The following EPHA2 variants were observed in gnomAD, a reference collection of about 807,000 sequenced individuals.
EPHA2 encodes the protein ephrin type-A receptor 2.
EPHA2 carries 54 observed loss-of-function variants against 104.9 expected under a neutral mutation model. That is an observed-to-expected ratio of 0.51 (90% CI 0.41 to 0.65). The LOEUF (loss-of-function observed/expected upper bound fraction) is 0.65, where lower values mean the gene tolerates loss of function less well. Among genes scored for constraint, EPHA2 ranks in the 30% least tolerant of loss-of-function variants. EPHA2 has a pLI of 0.00. For missense variants in EPHA2, 1,117 were observed against 1,369.5 expected, an observed-to-expected ratio of 0.82 and a Z score of 2.91; for synonymous variants, 560 against 559.1, an observed-to-expected ratio of 1.00 and a Z score of -0.02.
At chr1:16,144,831 T>C (rs1301807670) in intron 3 of EPHA2, among the ~76,000 whole-genome samples, 1 of 152,236 alleles carries the variant, frequency 6.6e-6, no homozygotes, top group Non-Finnish European at 1.5e-5. Flanking sequence ...CACTGCTTCC[T>C]CTCCGGACCT....
In EPHA2 at chr1:16,155,881, G is replaced by T; in HGVS notation, c.52C>A (p.Leu18Met). ...CCCTGCGCCGCCGCGGCCGCGGCCA[G>T]CGCACAGCCCCACAGCAGGGCGAAG... Reference protein sequence around the residue: ...ACFALLWGCALAAAAAAQGKE... With the variant: ...ACFALLWGCAMAAAAAAQGKE... The change falls in exon 1 of 17, where the codon CTG becomes ATG. Residue 18 changes from leucine to methionine, a missense_variant. By Grantham distance (15) the Leu-to-Met change is conservative. Around this residue, in one of 3 missense-constraint regions of EPHA2, gnomAD observed 664 missense variants for 784.8 expected, o/e 0.85. Coordinates refer to ENST00000358432, the MANE Select transcript of EPHA2 (RefSeq NM_004431.5). 2 of 1,472,752 alleles carry T rather than the reference G, an allele frequency of 1.4e-6. No homozygotes were observed. The highest frequency in any genetic ancestry group is 1.8e-6 in the Non-Finnish European group (2 of 1,118,936). 91.2% of individuals were successfully genotyped at this position (1,472,752 alleles called of 1,614,324 possible).
In EPHA2 at chr1:16,142,504, T is replaced by C. The variant is rs1030879544; in HGVS notation, c.824-4074A>G. ...ATGGACAGACAGATGGATGGATGGA[T>C]AGATGGGTGAGTTGGTGGGTGGATG... On this transcript the variant is annotated intron_variant, in intron 3 of 16. Coordinates refer to ENST00000358432, the MANE Select transcript of EPHA2 (RefSeq NM_004431.5). Among the ~76,000 whole-genome samples, 3 of 152,076 alleles carry C rather than the reference T, an allele frequency of 2.0e-5. No individual in the cohort carries two copies. The East Asian group carries it at 5.8e-4, about 29-fold the overall frequency.
In EPHA2 at chr1:16,153,435, C is replaced by T. The variant is rs74899738; in HGVS notation, c.85+2413G>A. 5.5e-4 allele frequency: 285 copies of T among 520,254 alleles called. 1 individual carries two copies. In the East Asian group the frequency reaches 0.03, roughly 54 times the overall value. 32.2% of individuals were successfully genotyped at this position (520,254 alleles called of 1,614,324 possible). On this transcript the variant is annotated intron_variant, in intron 1 of 16. Coordinates refer to ENST00000358432, the MANE Select transcript of EPHA2 (RefSeq NM_004431.5). Reference sequence around the variant, plus strand: ...CCCCGGTAGAACCAGAAACCAAGGACTTCCTGGCACTCTCCAGCCCTCTTC... The same window carrying T: ...CCCCGGTAGAACCAGAAACCAAGGATTTCCTGGCACTCTCCAGCCCTCTTC...
Position 16,153,250 on chromosome 1 carries a change from G to A in EPHA2, c.86-2287C>T, listed in dbSNP as rs950482840. Reference sequence around the variant, plus strand: ...AAATGCAGGACTGCCACCCACTCCCGGTCTCCGGTCCTTCTCCGCAGCCTC... The same window carrying A: ...AAATGCAGGACTGCCACCCACTCCCAGTCTCCGGTCCTTCTCCGCAGCCTC... On this transcript the variant is annotated intron_variant, in intron 1 of 16. Transcript: ENST00000358432. 2.1e-5 allele frequency: 21 copies of A among 985,242 alleles called. No homozygotes were observed. In the South Asian group the frequency reaches 5.2e-4, roughly 24 times the overall value. The allele number at this position is 985,242 out of a possible 1,614,324, so 61.0% of individuals were successfully genotyped here.
rs869033211 is a variant in EPHA2 at position 16,136,773 on chromosome 1, G to GAAGAAGAAC, written c.1313-1004_1313-1003insGTTCTTCTT. On this transcript the variant is annotated intron_variant, in intron 5 of 16. Transcript: ENST00000358432. ...AGAAGAAGAAGAAGAAGAAGAAGAA[G>GAAGAAGAAC]AACTAACTTTTGCTGAATGCTTTCT... 2.5e-3 allele frequency among the ~76,000 whole-genome samples: 363 copies of GAAGAAGAAC among 146,574 alleles called. 2 individuals are homozygous for GAAGAAGAAC. The highest frequency in any genetic ancestry group is 4.1e-3 in the Non-Finnish European group (271 of 66,086).
Position 16,133,444 on chromosome 1 carries a change from G to A in EPHA2, c.1864+37C>T, listed in dbSNP as rs200461925. The A allele has an allele frequency of 6.2e-7, 1 of 1,614,068 alleles. No homozygotes were observed. The highest frequency in any genetic ancestry group is 2.2e-5 in the East Asian group (1 of 44,894). Reference sequence around the variant, plus strand: ...GCTCCCACACTGTGTCACCACCGCTGCCTCCTCAGGGCCCCTTGGCAGGGG... The same window carrying A: ...GCTCCCACACTGTGTCACCACCGCTACCTCCTCAGGGCCCCTTGGCAGGGG... On this transcript the variant is annotated intron_variant, in intron 10 of 16. Transcript: ENST00000358432.
chr1:16,134,976 T>A lies in EPHA2; in HGVS notation c.1582+60A>T, dbSNP rs2024652882. The A allele has an allele frequency of 3.1e-6, 5 of 1,597,308 alleles. No homozygotes were observed. Among genetic ancestry groups the A allele is most frequent in the Middle Eastern group, 1.7e-4 (1 of 6,034 alleles). The stretch of plus-strand genomic sequence containing the variant: ...ATTTGATTCACTTCCTTTCCCAAGA[T>A]GTCTCAATTGCTTGGTTCTGGGCCC... On this transcript the variant is annotated intron_variant, in intron 7 of 16. Transcript: ENST00000358432. The surrounding 1 kb of genome is among the most constrained non-coding windows in gnomAD (Gnocchi z 4.5).
chr1:16,147,774 A>T (rs576623064), intron 3 of EPHA2, among the ~76,000 whole-genome samples: 1 of 151,886 alleles, frequency 6.6e-6, no homozygotes, highest in South Asian at 2.1e-4. Flanking sequence ...GCCTAAAGCC[A>T]CACAGCTAAA....
chr1:16,138,743 A>T (rs553942612), intron 3 of EPHA2, among the ~76,000 whole-genome samples: 1 of 152,298 alleles, frequency 6.6e-6, no homozygotes, highest in East Asian at 1.9e-4. Context: ...TCAGCCAACC[A>T]AGAATCCCAT....
chr1:16,133,526 C>G lies in EPHA2; in HGVS notation c.1819G>C (p.Glu607Gln), dbSNP rs1352075967. 2 of 1,613,976 alleles carry G rather than the reference C, an allele frequency of 1.2e-6. No homozygotes were observed. The highest frequency in any genetic ancestry group is 3.3e-5 in the Admixed American group (2 of 59,996). Reference protein sequence around the residue: ...PNQAVLKFTTEIHPSCVTRQK... With the variant: ...PNQAVLKFTTQIHPSCVTRQK... The stretch of plus-strand genomic sequence containing the variant: ...CGAGTGACACAGGATGGATGGATCT[C>G]GGTAGTGAACTTCAACACAGCCTGG... Residue 607 changes from glutamate (E) to glutamine (Q), a missense_variant, in exon 10 of 17, where the codon GAG becomes CAG. Transcript: ENST00000358432.
At position 16,125,111 on chromosome 1, in the gene EPHA2, C is replaced by G; in HGVS notation, c.*104G>C. 1 of 1,091,784 alleles carries G rather than the reference C, an allele frequency of 9.2e-7. No individual in the cohort carries two copies. Among genetic ancestry groups the G allele is most frequent in the Non-Finnish European group, 1.4e-6 (1 of 727,828 alleles). The allele number at this position is 1,091,784 out of a possible 1,614,324, so 67.6% of individuals were successfully genotyped here. On this transcript the variant is annotated 3_prime_UTR_variant, in exon 17 of 17. Transcript: ENST00000358432. This position sits in a 1 kb window ranked among gnomAD's most constrained non-coding sequence, Gnocchi z 4.9. ...CGGAAGTTGCAGGGGGAGGAAAGAACTAGAAATAAATAAAGTCCCCAGTGG... is the reference window on the plus strand; with the variant it reads ...CGGAAGTTGCAGGGGGAGGAAAGAAGTAGAAATAAATAAAGTCCCCAGTGG...
chr1:16,140,521 G>T (rs1432366582), intron 3 of EPHA2, among the ~76,000 whole-genome samples: 1 of 152,204 alleles, frequency 6.6e-6, no homozygotes, highest in Non-Finnish European at 1.5e-5. Flanking sequence ...AGACAAAAAA[G>T]CTTGTCCAAG....
At chr1:16,138,570 C>A in intron 3 of EPHA2, 140 bp from the exon 4 acceptor site, 1 of 1,293,336 alleles carries the variant, frequency 7.7e-7, no homozygotes, top group Non-Finnish European at 1.1e-6. Context: ...TTCTCATCGG[C>A]AAAATGTCTT....
In EPHA2 at chr1:16,128,146, G is replaced by T. The variant is rs1476884084; in HGVS notation, c.2825+1288C>A. On this transcript the variant is annotated intron_variant, in intron 16 of 16. Transcript: ENST00000358432. The surrounding 1 kb of genome is among the most constrained non-coding windows in gnomAD (Gnocchi z 4.7). Reference sequence around the variant, plus strand: ...ATTTAGCACCCACTGTATACCAGTCGTGTCATCTGCGCTGCACCCATGCAA... The same window carrying T: ...ATTTAGCACCCACTGTATACCAGTCTTGTCATCTGCGCTGCACCCATGCAA... 6.6e-6 allele frequency among the ~76,000 whole-genome samples: 1 copy of T among 152,194 alleles called. No homozygotes were observed. The highest frequency in any genetic ancestry group is 2.4e-5 in the African/African-American group (1 of 41,444).
chr1:16,127,618 G>A (rs957924039), intron 16 of EPHA2, among the ~76,000 whole-genome samples: 7 of 152,186 alleles, frequency 4.6e-5, no homozygotes, highest in African/African-American at 7.2e-5. Flanking sequence ...GACCCATGGC[G>A]TGTGTAGACC....
In EPHA2 at chr1:16,130,997, C is replaced by T. The variant is rs558546494; in HGVS notation, c.2476-578G>A. ...CACTGTGTACCCTCAGCCCAGCCTC[C>T]CTCCCATCTCTCTTCCCCTCCCTCT... On this transcript the variant is annotated intron_variant, in intron 14 of 16. Coordinates refer to ENST00000358432, the MANE Select transcript of EPHA2 (RefSeq NM_004431.5). The surrounding 1 kb of genome is among the most constrained non-coding windows in gnomAD (Gnocchi z 4.5). Among the ~76,000 whole-genome samples, 14 of 152,210 alleles carry T rather than the reference C, an allele frequency of 9.2e-5. No homozygotes were observed. The East Asian group carries it at 2.5e-3, about 27-fold the overall frequency.
intron 5 of EPHA2, 149 bp downstream of exon 5, chr1:16,137,704 C>T (rs1163085729): frequency 1.0e-5 from 9 of 884,788 alleles, no homozygotes; most frequent in Admixed American, 4.5e-5. Flanking sequence ...ATGTGGCCCA[C>T]GGGTTGGACA....
intron 3 of EPHA2, among the ~76,000 whole-genome samples, chr1:16,139,173 G>A (rs1221395391): frequency 2.6e-5 from 4 of 152,020 alleles, no homozygotes; most frequent in East Asian, 1.9e-4. Context: ...ACCTGACTCC[G>A]GGGGCTTCTT....
In EPHA2 at chr1:16,150,158, C is replaced by T. The variant is rs535232031; in HGVS notation, c.153+738G>A. 6.6e-6 allele frequency among the ~76,000 whole-genome samples: 1 copy of T among 152,280 alleles called. No individual in the cohort carries two copies. Among genetic ancestry groups the T allele is most frequent in the East Asian group, 1.9e-4 (1 of 5,176 alleles). ...AGAACTCGACTCATGCAGATCTGGCCAGCTCTGGGAACTATTCCAAGTAGC... is the reference window on the plus strand; with the variant it reads ...AGAACTCGACTCATGCAGATCTGGCTAGCTCTGGGAACTATTCCAAGTAGC... On this transcript the variant is annotated intron_variant, in intron 2 of 16. Coordinates refer to ENST00000358432, the MANE Select transcript of EPHA2 (RefSeq NM_004431.5). The surrounding 1 kb of genome is among the most constrained non-coding windows in gnomAD (Gnocchi z 4.8).
Sources: allele counts gnomAD v4.1 joint callset (sites outside exome capture counted in the v4.1 genomes callset), GRCh38; gene constraint gnomAD v4.1.1; regional missense constraint gnomAD v4.1.1; non-coding constraint Gnocchi (gnomAD v3.1); transcripts MANE v1.5; gene names NCBI Gene and HGNC (gene_info 2026-07-23, HGNC 2026-07-21).